The following MYO16 variants were observed in gnomAD, a reference collection of about 807,000 sequenced individuals.
MYO16 encodes the protein unconventional myosin-XVI.
MYO16 carries 94 observed loss-of-function variants against 205.3 expected under a neutral mutation model. The observed-to-expected ratio is 0.46, with a 90% CI of 0.39 to 0.54. The LOEUF (loss-of-function observed/expected upper bound fraction) is 0.54. MYO16 is among the 20% of genes least tolerant of loss of function. The pLI, the probability that MYO16 is intolerant of heterozygous loss-of-function variation, is 0.00. For synonymous variants in MYO16, 988 were observed against 954.0 expected (o/e 1.04, Z -0.66); for missense variants, 2,315 against 2,387.5 (o/e 0.97, Z 0.63).
chr13:108,766,541 G>T (rs1594277392), intron 4 of MYO16, among the ~76,000 whole-genome samples: 1 of 152,124 alleles, frequency 6.6e-6, no homozygotes, highest in South Asian at 2.1e-4. Flanking sequence ...AGCAAGGGGG[G>T]TTGCTTTTGG....
chr13:109,168,182 T>G (rs1041718577), intron 33 of MYO16, among the ~76,000 whole-genome samples: 3 of 152,056 alleles, frequency 2.0e-5, no homozygotes, highest in Admixed American at 6.6e-5. Flanking sequence ...GAGAAAGTTC[T>G]GAGACAGTAG....
At chr13:108,568,856 T>C in the MYO16 span, among the ~76,000 whole-genome samples, 3 of 152,118 alleles carry the variant, frequency 2.0e-5, no homozygotes, top group Admixed American at 6.5e-5. Flanking sequence ...GGATCTATTT[T>C]GACATAATTT....
At chr13:108,838,972 A>C (rs1342544082) in intron 9 of MYO16, among the ~76,000 whole-genome samples, 1 of 152,096 alleles carries the variant, frequency 6.6e-6, no homozygotes, top group African/African-American at 2.4e-5. Context: ...TATTTGTCTT[A>C]GTTCATTTTT....
At chr13:108,726,561 A>T (rs1810664) in intron 3 of MYO16, among the ~76,000 whole-genome samples, 62,345 of 149,028 alleles carry the variant, frequency 0.42, 13,723 homozygotes, top group Non-Finnish European at 0.52. Context: ...CTGTTTCAAA[A>T]AAAAAAAAAA....
intron 20 of MYO16, among the ~76,000 whole-genome samples, chr13:108,982,488 A>T (rs1884479371): frequency 6.6e-6 from 1 of 152,342 alleles, no homozygotes; most frequent in South Asian, 2.1e-4. Flanking sequence ...AATAAGTTAA[A>T]AAAAAGTAAA....
At chr13:108,525,508 T>G in the MYO16 span, among the ~76,000 whole-genome samples, 1 of 152,202 alleles carries the variant, frequency 6.6e-6, no homozygotes, top group African/African-American at 2.4e-5. Context: ...ATCTGGCCTT[T>G]ACCCTAGATG....
At chr13:109,130,470 T>C (rs1876481110) in intron 31 of MYO16, among the ~76,000 whole-genome samples, 1 of 152,276 alleles carries the variant, frequency 6.6e-6, no homozygotes, top group South Asian at 2.1e-4. Flanking sequence ...TTCTGCATTC[T>C]GGCATGTGCT....
intron 17 of MYO16, among the ~76,000 whole-genome samples, chr13:108,960,112 A>AT (rs1243071065): frequency 6.6e-6 from 1 of 151,936 alleles, no homozygotes; most frequent in Non-Finnish European, 1.5e-5. Context: ...CATCTCTACA[A>AT]TTTTTTTCAA....
intron 28 of MYO16, among the ~76,000 whole-genome samples, chr13:109,109,717 G>T (rs562113158): frequency 5.3e-5 from 8 of 150,502 alleles, no homozygotes; most frequent in Admixed American, 4.7e-4. Context: ...TTTAAAAAAC[G>T]AACTTGCTCC....
chr13:109,051,622 A>C (rs1451641745), intron 24 of MYO16, among the ~76,000 whole-genome samples: 2 of 152,276 alleles, frequency 1.3e-5, no homozygotes, highest in South Asian at 2.1e-4. Flanking sequence ...AAATCCACTC[A>C]ACTGAGCTCT....
chr13:108,969,684 G>A (rs1026995806), intron 20 of MYO16, among the ~76,000 whole-genome samples: 2 of 152,196 alleles, frequency 1.3e-5, no homozygotes, highest in African/African-American at 4.8e-5. Flanking sequence ...TACAGTGTTA[G>A]CACGTTTGAG....
chr13:108,697,935 C>T (rs1271575189), intron 2 of MYO16, among the ~76,000 whole-genome samples: 2 of 152,098 alleles, frequency 1.3e-5, no homozygotes, highest in African/African-American at 4.8e-5. Flanking sequence ...GTTGCCAAGG[C>T]TGGTCTTGAA....
intron 9 of MYO16, among the ~76,000 whole-genome samples, chr13:108,828,813 TCC>T (rs1489586017): frequency 2.0e-5 from 3 of 152,258 alleles, no homozygotes; most frequent in Non-Finnish European, 2.9e-5. Flanking sequence ...CCGTGGAGAC[TCC>T]GAATTGGTGA....
chr13:108,528,355 A>T, the MYO16 span, among the ~76,000 whole-genome samples: 1 of 152,128 alleles, frequency 6.6e-6, no homozygotes, highest in Non-Finnish European at 1.5e-5. Flanking sequence ...GGCTGTGAGG[A>T]TAGAATTTGG....
chr13:108,578,060 T>A, the MYO16 span, among the ~76,000 whole-genome samples: 1 of 152,194 alleles, frequency 6.6e-6, no homozygotes, highest in Non-Finnish European at 1.5e-5. Context: ...GAAAATGAAG[T>A]TTTCAGGATT....
chr13:108,712,795 C>A, intron 3 of MYO16, 64 bp downstream of exon 3: 1 of 1,293,478 alleles, frequency 7.7e-7, no homozygotes, highest in Non-Finnish European at 1.1e-6. Context: ...ATTACAGGTT[C>A]AAACCCAGGA....
intron 1 of MYO16, among the ~76,000 whole-genome samples, chr13:108,641,351 G>T (rs1594167893): frequency 6.6e-6 from 1 of 152,152 alleles, no homozygotes; most frequent in Non-Finnish European, 1.5e-5. Flanking sequence ...AAAGAGACTT[G>T]AGTTATTGAT....
chr13:108,796,140 G>C (rs2138953542), intron 6 of MYO16, among the ~76,000 whole-genome samples: 1 of 152,298 alleles, frequency 6.6e-6, no homozygotes, highest in East Asian at 1.9e-4. Flanking sequence ...GAGGACCACG[G>C]CTATGACTCT....
At chr13:108,935,254 A>G (rs551571843) in intron 16 of MYO16, among the ~76,000 whole-genome samples, 93 of 152,326 alleles carry the variant, frequency 6.1e-4, no homozygotes, top group Non-Finnish European at 1.1e-3. Context: ...ATCCATGAGC[A>G]TGGAATGTTT....
Sources: allele counts gnomAD v4.1 joint callset (sites outside exome capture counted in the v4.1 genomes callset), GRCh38; gene constraint gnomAD v4.1.1; transcripts MANE v1.5; gene names NCBI Gene and HGNC (gene_info 2026-07-23, HGNC 2026-07-21).